EDNRB: variants seen among roughly 807,000 people sequenced by gnomAD.
EDNRB encodes endothelin receptor type B.
EDNRB carries 18 observed loss-of-function variants against 46.4 expected under a neutral mutation model. That is an observed-to-expected ratio of 0.39 (90% confidence interval 0.27 to 0.57). The LOEUF (loss-of-function observed/expected upper bound fraction) is 0.57, where lower values mean the gene tolerates loss of function less well. EDNRB is among the 20% of genes least tolerant of loss of function. EDNRB has a pLI of 0.61. For synonymous variants in EDNRB, 213 were observed against 204.9 expected, an observed-to-expected ratio of 1.04 and a Z score of -0.34; for missense variants, 434 against 537.5, an observed-to-expected ratio of 0.81 and a Z score of 1.90.
At chr13:77,905,457 A>G (rs977067585) in intron 1 of EDNRB, among the ~76,000 whole-genome samples, 1 of 151,952 alleles carries the variant, frequency 6.6e-6, no homozygotes, top group African/African-American at 2.4e-5. Context: ...CAACTGACTC[A>G]TTAATTCTGC....
rs538461235 is a variant in EDNRB, at chr13:77,966,846, A to C, written c.-52+8501T>G. On this transcript the variant is annotated intron_variant, in intron 1 of 7. Transcript: ENST00000646948. ...TGCAGTTTATTAGCAGTCAGCTACA[A>C]ATGTATTGGAGTAGTGTTATGTAAC... 5.5e-4 allele frequency among the ~76,000 whole-genome samples: 83 copies of C among 152,244 alleles called. 2 individuals carry two copies. The South Asian group carries it at 0.016, about 30-fold the overall frequency.
chr13:77,952,025 C>A (rs1023101776), intron 1 of EDNRB, among the ~76,000 whole-genome samples: 20 of 152,112 alleles, frequency 1.3e-4, no homozygotes, highest in African/African-American at 4.6e-4. Flanking sequence ...GGGGTTTCCC[C>A]ACTGCAATCC....
chr13:77,925,891 A>G (rs1333198249), intron 1 of EDNRB, among the ~76,000 whole-genome samples: 3 of 152,182 alleles, frequency 2.0e-5, no homozygotes, highest in Non-Finnish European at 4.4e-5. Flanking sequence ...GCGAGGCTGT[A>G]CCCTGCAAAG....
At chr13:77,952,153 A>C (rs944202743) in intron 1 of EDNRB, among the ~76,000 whole-genome samples, 19 of 152,164 alleles carry the variant, frequency 1.2e-4, no homozygotes, top group African/African-American at 4.3e-4. Context: ...AAGTTTATTA[A>C]GAAAGTAAAG....
intron 1 of EDNRB, among the ~76,000 whole-genome samples, chr13:77,909,315 G>C (rs1594366205): frequency 6.6e-6 from 1 of 151,976 alleles, no homozygotes; most frequent in African/African-American, 2.4e-5. Context: ...TAAATAGCAT[G>C]AATAAGAAAC....
At chr13:77,974,620 C>CTCTTTTCTG (rs371580468) in intron 1 of EDNRB, among the ~76,000 whole-genome samples, 8 of 140,904 alleles carry the variant, frequency 5.7e-5, no homozygotes, top group Admixed American at 6.9e-5. Context: ...CTCTGCCTCT[C>CTCTTTTCTG]TCTCTCTCTC....
intron 1 of EDNRB, among the ~76,000 whole-genome samples, chr13:77,964,003 A>C (rs975873373): frequency 1.3e-5 from 2 of 152,240 alleles, no homozygotes; most frequent in African/African-American, 2.4e-5. Flanking sequence ...TTATGCAGCC[A>C]ACAGACACAT....
intron 3 of EDNRB, 70 bp from the exon 4 acceptor site, chr13:77,901,277 C>G (rs1878965513): frequency 1.3e-6 from 2 of 1,532,060 alleles, no homozygotes; most frequent in Non-Finnish European, 1.8e-6. Flanking sequence ...AAATGTTAAA[C>G]TTAAAAAAAT....
intron 1 of EDNRB, among the ~76,000 whole-genome samples, chr13:77,941,530 A>G (rs1427085062): frequency 6.6e-6 from 1 of 152,222 alleles, no homozygotes; most frequent in Non-Finnish European, 1.5e-5. Flanking sequence ...TCATAAGTTC[A>G]CAAGGTTCTT....
At chr13:77,958,825 GC>G (rs1881315436) in intron 1 of EDNRB, among the ~76,000 whole-genome samples, 1 of 152,196 alleles carries the variant, frequency 6.6e-6, no homozygotes, top group African/African-American at 2.4e-5. Context: ...AAATGTGAAG[GC>G]TTATGTTCAA....
intron 1 of EDNRB, among the ~76,000 whole-genome samples, chr13:77,969,560 T>C (rs1293658924): frequency 6.6e-6 from 1 of 152,202 alleles, no homozygotes; most frequent in East Asian, 1.9e-4. Flanking sequence ...TGCATTGTGC[T>C]TCATTATTTA....
intron 1 of EDNRB, among the ~76,000 whole-genome samples, chr13:77,931,395 T>C (rs981596914): frequency 2.0e-5 from 3 of 152,088 alleles, no homozygotes; most frequent in Non-Finnish European, 4.4e-5. Context: ...TTGGAAATAG[T>C]CTCCCAAAGA....
chr13:77,955,030 TGA>T (rs1365268952), intron 1 of EDNRB, among the ~76,000 whole-genome samples: 1 of 152,226 alleles, frequency 6.6e-6, no homozygotes, highest in East Asian at 1.9e-4. Flanking sequence ...TTTAATTTTT[TGA>T]GACACCTCCA....
At chr13:77,946,341 T>C (rs551768802) in intron 1 of EDNRB, among the ~76,000 whole-genome samples, 1 of 152,286 alleles carries the variant, frequency 6.6e-6, no homozygotes, top group South Asian at 2.1e-4. Context: ...ACAGAGGAGA[T>C]ACGGAAGGAA....
chr13:77,925,985 G>T (rs982482061), intron 1 of EDNRB, among the ~76,000 whole-genome samples: 1 of 152,334 alleles, frequency 6.6e-6, no homozygotes, highest in Admixed American at 6.5e-5. Flanking sequence ...CATCAAAAGA[G>T]ATCATTTTGG....
chr13:77,967,221 T>C (rs1881607211), intron 1 of EDNRB, among the ~76,000 whole-genome samples: 1 of 152,132 alleles, frequency 6.6e-6, no homozygotes, highest in Admixed American at 6.6e-5. Flanking sequence ...ATACTGTAGG[T>C]TGATTTGTTC....
At chr13:77,928,596 A>T (rs2137651491) in intron 1 of EDNRB, among the ~76,000 whole-genome samples, 1 of 152,350 alleles carries the variant, frequency 6.6e-6, no homozygotes. Flanking sequence ...AACACATTTA[A>T]GTTTTTTAAT....
intron 3 of EDNRB, among the ~76,000 whole-genome samples, 163 bp downstream of exon 3, chr13:77,902,993 G>A (rs1879075596): frequency 6.6e-6 from 1 of 151,852 alleles, no homozygotes; most frequent in Non-Finnish European, 1.5e-5. Flanking sequence ...TGCAGCTTGA[G>A]TCATTGATCA....
At position 77,900,527 on chromosome 13, in the gene EDNRB, A is replaced by C; in HGVS notation, c.1079T>G (p.Leu360Arg). ...TCTAGTTTGCCTTTCTTACCTCAAA[A>C]GTTCACATCTATTGGGATCATTCTG... The part of the protein sequence containing the change: ...YNQNDPNRCE[L>R]LSFLLVLDYI... The change falls in exon 5 of 7, where the codon CTT becomes CGT. Residue 360 changes from leucine (L) to arginine (R), a missense_variant. Coordinates refer to ENST00000646607, the MANE Select transcript of EDNRB (RefSeq NM_001122659.3). 6.2e-7 allele frequency: 1 copy of C among 1,612,402 alleles called. No homozygotes were observed. The highest frequency in any genetic ancestry group is 8.5e-7 in the Non-Finnish European group (1 of 1,178,906).
Sources: gnomAD v4.1 joint callset for allele counts (sites outside exome capture counted in the v4.1 genomes callset) on GRCh38, gnomAD v4.1.1 for gene constraint, MANE v1.5 for transcripts, NCBI Gene and HGNC (gene_info 2026-07-23, HGNC 2026-07-21) for gene names.